The following CPT1B variants were observed in gnomAD, a reference collection of about 807,000 sequenced individuals.
The protein encoded by CPT1B is carnitine O-palmitoyltransferase 1, muscle isoform.
A neutral mutation model predicts 92.7 loss-of-function variants in CPT1B; 57 were observed. That is an observed-to-expected ratio of 0.62 (90% CI 0.50 to 0.77). The LOEUF (loss-of-function observed/expected upper bound fraction) is 0.77, where lower values mean the gene tolerates loss of function less well. Among genes scored for constraint, CPT1B ranks in the 30% least tolerant of loss-of-function variants. The pLI is 0.00. For missense variants in CPT1B, 983 were observed against 1,017.4 expected, an observed-to-expected ratio of 0.97 and a Z score of 0.46; for synonymous variants, 398 against 383.5, an observed-to-expected ratio of 1.04 and a Z score of -0.44.
In CPT1B at chr22:50,577,429, G is replaced by A. The variant is rs767541312; in HGVS notation, c.176C>T (p.Pro59Leu). ...GILRGVYPGS[P>L]TSWLVVIMAT... Reference sequence around the variant, plus strand: ...CATGATGACGACCAGCCAGCTGGTGGGGCTGCCAGGGTACACGCCCCTGAG... The same window carrying A: ...CATGATGACGACCAGCCAGCTGGTGAGGCTGCCAGGGTACACGCCCCTGAG... Residue 59 changes from proline (P) to leucine (L), a missense_variant, in exon 3 of 20, where the codon CCC becomes CTC. Physicochemically the swap from Pro to Leu is moderately conservative, Grantham distance 98 (BLOSUM62 -3). Coordinates refer to ENST00000312108, the MANE Select transcript of CPT1B (RefSeq NM_152246.3). 2 of 1,613,854 alleles carry A rather than the reference G, an allele frequency of 1.2e-6. No individual in the cohort carries two copies. Among genetic ancestry groups the A allele is most frequent in the South Asian group, 2.2e-5 (2 of 91,084 alleles).
In CPT1B at chr22:50,570,324, T is replaced by C. The variant is rs898844790; in HGVS notation, c.2111A>G (p.Asn704Ser). Reference sequence around the variant, plus strand: ...AAAGCCACCTCCAGCGCCCAGGTGATTGGGGTGCTGCTCTGGGTCGAACAT... The same window carrying C: ...AAAGCCACCTCCAGCGCCCAGGTGACTGGGGTGCTGCTCTGGGTCGAACAT... ...IRMFDPEQHP[N>S]HLGAGGGFGP... The change falls in exon 17 of 20, where the codon AAT (asparagine) becomes AGT (serine). Residue 704 changes from asparagine (N) to serine (S), a missense_variant. Physicochemically the swap from Asn to Ser is conservative, Grantham distance 46 (BLOSUM62 1). Coordinates refer to ENST00000312108, the MANE Select transcript of CPT1B (RefSeq NM_152246.3). The C allele has an allele frequency of 1.3e-6, 2 of 1,598,366 alleles. No individual in the cohort carries two copies. The highest frequency in any genetic ancestry group is 1.7e-5 in the Admixed American group (1 of 58,828).
Position 50,572,201 on chromosome 22 carries a change from A to ACCT in CPT1B, c.1457_1458+1dup. Reference sequence around the variant, plus strand: ...TGCAGGTTCCCTCTGCAAGGCTATTACCTCCCAGAGGTGCCCAATGATGGG... The same window carrying ACCT: ...TGCAGGTTCCCTCTGCAAGGCTATTACCTCCTCCCAGAGGTGCCCAATGATGGG... On this transcript the variant is annotated splice_donor_variant, in intron 12 of 19. Coordinates refer to ENST00000312108, the MANE Select transcript of CPT1B (RefSeq NM_152246.3). LOFTEE classifies it high-confidence loss of function. 1.2e-6 allele frequency: 2 copies of ACCT among 1,612,428 alleles called. No homozygotes were observed. The highest frequency in any genetic ancestry group is 1.7e-6 in the Non-Finnish European group (2 of 1,178,656).
intron 9 of CPT1B, 100 bp downstream of exon 9, chr22:50,574,235 T>G: frequency 1.1e-6 from 1 of 912,550 alleles, no homozygotes; most frequent in Admixed American, 2.0e-5. Context: ...TGTTCACAGT[T>G]TCAGGACCCT....
At chr22:50,570,170 C>G (rs2070094543) in intron 17 of CPT1B, 123 bp downstream of exon 17, 3 of 698,914 alleles carry the variant, frequency 4.3e-6, no homozygotes, top group Non-Finnish European at 2.3e-6. Context: ...CCATGCAGGT[C>G]TGGGGTTATG....
Position 50,571,538 on chromosome 22 carries a change from C to T in CPT1B, c.1577G>A (p.Cys526Tyr), listed in dbSNP as rs745314788. 1.6e-5 allele frequency: 26 copies of T among 1,611,356 alleles called. No homozygotes were observed. Among genetic ancestry groups the T allele is most frequent in the Non-Finnish European group, 2.2e-5 (26 of 1,179,868 alleles). ...TRLQWDIPKQ[C>Y]QAVIESSYQV... ...GTAGGAACTCTCGATGACCGCCTGG[C>T]ACTGCCAAGACATGGGAAGGGTCAG... The change falls in exon 14 of 20, where the codon TGC (cysteine) becomes TAC (tyrosine). Residue 526 changes from cysteine to tyrosine, a missense_variant and splice_region_variant. By Grantham distance (194) the Cys-to-Tyr change is radical. Transcript: ENST00000312108.
At chr22:50,576,725 C>A (rs1233743833) in intron 4 of CPT1B, 88 bp from the exon 5 acceptor site, 6 of 1,554,628 alleles carry the variant, frequency 3.9e-6, no homozygotes, top group Non-Finnish European at 5.3e-6. Context: ...CAGAGCCATC[C>A]CAGCCCCTCC....
At chr22:50,571,673 G>A (rs2070181994) in intron 13 of CPT1B, 134 bp from the exon 14 acceptor site, 7 of 1,009,988 alleles carry the variant, frequency 6.9e-6, no homozygotes, top group Non-Finnish European at 1.0e-5. Context: ...AGGAGGGTAC[G>A]CAAAAGACAG....
upstream of CPT1B, chr22:50,578,571 G>T (rs1603443634): frequency 6.3e-6 from 1 of 157,920 alleles, no homozygotes; most frequent in Non-Finnish European, 1.4e-5. Context: ...GAATTGCAGG[G>T]CGCGGCTGGG....
In CPT1B at chr22:50,574,376, T is replaced by C. The variant is rs768735815; in HGVS notation, c.929A>G (p.Glu310Gly). The change falls in exon 9 of 20, where the codon GAG becomes GGG. Residue 310 changes from glutamate (E) to glycine (G), a missense_variant. Transcript: ENST00000312108. ...GIVPMCSYQMERMFNTTRIPG... is the reference protein window; with the variant it reads ...GIVPMCSYQMGRMFNTTRIPG... ...GATCCGAGTGGTGTTGAACATCCTC[T>C]CCATCTGGTAGGAGCACATAGGCAC... 11 of 1,614,058 alleles carry C rather than the reference T, an allele frequency of 6.8e-6. No homozygotes were observed. Among genetic ancestry groups the C allele is most frequent in the Non-Finnish European group, 9.3e-6 (11 of 1,179,982 alleles).
Position 50,575,737 on chromosome 22 carries a change from C to A in CPT1B, c.777+298G>T, listed in dbSNP as rs148259200. Among the ~76,000 whole-genome samples the A allele has an allele frequency of 2.3e-4, 35 of 152,320 alleles. No homozygotes were observed. The East Asian group carries it at 6.6e-3, about 29-fold the overall frequency. ...ATGGCCAGGAGGCCAGTGAGGAAACCAAGGAAAGAGGTGACAGAGCCCGAG... is the reference window on the plus strand; with the variant it reads ...ATGGCCAGGAGGCCAGTGAGGAAACAAAGGAAAGAGGTGACAGAGCCCGAG... On this transcript the variant is annotated intron_variant, in intron 7 of 19. Transcript: ENST00000312108.
Position 50,576,115 on chromosome 22 carries a change from G to A in CPT1B, c.700-3C>T. ...TACTCTTCCCACCAGTCACTCACCT[G>A]TGGGGAGGTGGAAGGTTAGAGCTGG... On this transcript the variant is annotated splice_polypyrimidine_tract_variant and splice_region_variant and intron_variant, in intron 6 of 19. Transcript: ENST00000312108. 1 of 1,614,140 alleles carries A rather than the reference G, an allele frequency of 6.2e-7. No homozygotes were observed. Among genetic ancestry groups the A allele is most frequent in the Non-Finnish European group, 8.5e-7 (1 of 1,180,024 alleles).
Position 50,569,423 on chromosome 22 carries a change from T to C in CPT1B, c.2236-2A>G, listed in dbSNP as rs769531437. On this transcript the variant is annotated splice_acceptor_variant, in intron 18 of 19. Coordinates refer to ENST00000312108, the MANE Select transcript of CPT1B (RefSeq NM_152246.3). LOFTEE classifies it high-confidence loss of function. ...GTGGTTTCCAAAGCGCTGGGCGTTC[T>C]GTGGGAGCCAAGAGTTCAGATGCAC... is the stretch of plus-strand genomic sequence containing the variant. 6.2e-7 allele frequency: 1 copy of C among 1,614,116 alleles called. No individual in the cohort carries two copies. Among genetic ancestry groups the C allele is most frequent in the East Asian group, 2.2e-5 (1 of 44,882 alleles).
chr22:50,572,512 G>C (rs989661507), intron 11 of CPT1B, among the ~76,000 whole-genome samples: 3 of 151,688 alleles, frequency 2.0e-5, no homozygotes, highest in African/African-American at 7.3e-5. Context: ...AACCTCCCGG[G>C]TTCAAGGGCT....
rs763035506 is a variant in CPT1B, at chr22:50,573,763, C to A, written c.971-48G>T. 2 of 1,552,864 alleles carry A rather than the reference C, an allele frequency of 1.3e-6. No individual in the cohort carries two copies. Among genetic ancestry groups the A allele is most frequent in the South Asian group, 1.1e-5 (1 of 87,462 alleles). ...GCTGAGGCGGGGCCCCCAGCTACAT[C>A]CTGGGAAGGGCCCACCTCCCATGCA... On this transcript the variant is annotated intron_variant, in intron 9 of 19. Coordinates refer to ENST00000312108, the MANE Select transcript of CPT1B (RefSeq NM_152246.3). The surrounding 1 kb of genome is among the most constrained non-coding windows in gnomAD (Gnocchi z 5.0).
chr22:50,577,705 A>G, intron 2 of CPT1B, 70 bp downstream of exon 2: 1 of 1,584,720 alleles, frequency 6.3e-7, no homozygotes, highest in East Asian at 2.3e-5. Context: ...GCAGTGAGGG[A>G]CCCTAACAAA....
At position 50,570,933 on chromosome 22, in the gene CPT1B, C is replaced by A. The variant is rs760737224; in HGVS notation, c.1986G>T (p.Leu662Phe). ...GIDRHLFCLY[L>F]VSKYLGVSSP... ...AGCTGACTCCTAGGTACTTGGAGAC[C>A]AAGTAAAGGCAGAAGAGGTGCCTGT... The change falls in exon 16 of 20, where the codon TTG (leucine) becomes TTT (phenylalanine). Residue 662 changes from leucine (L) to phenylalanine (F), a missense_variant. Coordinates refer to ENST00000312108, the MANE Select transcript of CPT1B (RefSeq NM_152246.3). 4.3e-6 allele frequency: 7 copies of A among 1,613,732 alleles called. No individual in the cohort carries two copies. The highest frequency in any genetic ancestry group is 1.1e-5 in the South Asian group (1 of 91,090).
In CPT1B at chr22:50,574,498, T is replaced by G. The variant is rs769614560; in HGVS notation, c.880A>C (p.Lys294Gln). The change falls in exon 8 of 20, where the codon AAG becomes CAG. Residue 294 changes from lysine (K) to glutamine (Q), a missense_variant. Coordinates refer to ENST00000312108, the MANE Select transcript of CPT1B (RefSeq NM_152246.3). ...YRRKLDREEI[K>Q]PVMALGIVPM... is the part of the protein sequence containing the mutation. The stretch of plus-strand genomic sequence containing the variant: ...TCAACCCTGACGCAACTCACAGGCT[T>G]GATTTCTTCACGGTCCAGTTTACGG... 7 of 1,614,040 alleles carry G rather than the reference T, an allele frequency of 4.3e-6. No homozygotes were observed. In the East Asian group the frequency reaches 1.6e-4, roughly 36 times the overall value.
At chr22:50,576,436 C>G in intron 5 of CPT1B, 100 bp downstream of exon 5, 1 of 1,605,018 alleles carries the variant, frequency 6.2e-7, no homozygotes, top group Non-Finnish European at 8.5e-7. Context: ...CCATTATTCT[C>G]AAGCCCTTAA....
Position 50,573,439 on chromosome 22 carries a change from G to A in CPT1B, c.1166+81C>T, listed in dbSNP as rs76205318. 4,102 of 1,280,986 alleles carry A rather than the reference G, an allele frequency of 3.2e-3. 63 individuals are homozygous for A. The highest frequency in any genetic ancestry group is 0.028 in the South Asian group (2,020 of 70,984). The allele number at this position is 1,280,986 out of a possible 1,614,324, so 79.4% of individuals were successfully genotyped here. The stretch of plus-strand genomic sequence containing the variant: ...GTTGTGCCTCCAGCCTCCAGTTCCA[G>A]GGTGGCAGGCAGGGCCACGCTCCTC... On this transcript the variant is annotated intron_variant, in intron 10 of 19. Coordinates refer to ENST00000312108, the MANE Select transcript of CPT1B (RefSeq NM_152246.3). This position sits in a 1 kb window ranked among gnomAD's most constrained non-coding sequence, Gnocchi z 5.0.
Sources: allele counts gnomAD v4.1 joint callset (sites outside exome capture counted in the v4.1 genomes callset), GRCh38; gene constraint gnomAD v4.1.1; non-coding constraint Gnocchi (gnomAD v3.1); transcripts MANE v1.5; gene names NCBI Gene and HGNC (gene_info 2026-07-23, HGNC 2026-07-21).